The following KLF12 variants were observed in gnomAD, a reference collection of about 807,000 sequenced individuals.
The protein encoded by KLF12 is Krueppel-like factor 12.
A neutral mutation model predicts 37.8 loss-of-function variants in KLF12; 9 were observed. The observed-to-expected ratio is 0.24, with a 90% CI of 0.14 to 0.42. KLF12 has a LOEUF of 0.42. Among genes scored for constraint, KLF12 ranks in the 10% least tolerant of loss-of-function variants. The probability of loss-of-function intolerance (pLI) is 1.00; values close to 1 mark genes in which losing one functional copy is unlikely to be tolerated. For missense variants in KLF12, 411 were observed against 516.0 expected (o/e 0.80, Z 1.97); for synonymous variants, 208 against 202.1 (o/e 1.03, Z -0.25).
At chr13:74,035,859 G>C (rs1416552909) in intron 1 of KLF12, among the ~76,000 whole-genome samples, 3 of 152,016 alleles carry the variant, frequency 2.0e-5, no homozygotes, top group South Asian at 2.1e-4. Flanking sequence ...AATCTCTATA[G>C]GATTTTGCAA....
intron 1 of KLF12, among the ~76,000 whole-genome samples, chr13:74,112,201 C>CGT (rs749181835): frequency 1.0e-5 from 1 of 95,298 alleles, no homozygotes; most frequent in Non-Finnish European, 2.7e-5. Context: ...TGTGTGTGTG[C>CGT]ATCTGTGTGT....
the KLF12 span, among the ~76,000 whole-genome samples, chr13:74,219,784 A>C: frequency 1.3e-5 from 2 of 152,166 alleles, no homozygotes; most frequent in African/African-American, 4.8e-5. Context: ...GCTGGTGTTG[A>C]GGAGTCAGCT....
At chr13:73,755,772 T>G (rs1489608977) in intron 6 of KLF12, among the ~76,000 whole-genome samples, 2 of 151,510 alleles carry the variant, frequency 1.3e-5, no homozygotes, top group African/African-American at 4.9e-5. Context: ...TTCCCCCAAG[T>G]CCCCAAAGTC....
At chr13:73,748,587 A>G (rs1878527284) in intron 6 of KLF12, among the ~76,000 whole-genome samples, 1 of 152,156 alleles carries the variant, frequency 6.6e-6, no homozygotes, top group South Asian at 2.1e-4. Flanking sequence ...TTCCCCGGGA[A>G]CTGAATCACC....
At chr13:73,744,480 C>T (rs191429252) in intron 6 of KLF12, among the ~76,000 whole-genome samples, 2 of 151,742 alleles carry the variant, frequency 1.3e-5, no homozygotes, top group African/African-American at 2.4e-5. Context: ...CCTTTAGGCA[C>T]GCTGGTGGTA....
intron 6 of KLF12, among the ~76,000 whole-genome samples, chr13:73,738,092 C>CATAT (rs778759106): frequency 0.025 from 2,943 of 116,416 alleles, 56 homozygotes; most frequent in East Asian, 0.058. Flanking sequence ...TGTATGTGTA[C>CATAT]ATATATATAT....
chr13:73,874,773 A>G (rs146205991), intron 3 of KLF12, among the ~76,000 whole-genome samples: 29 of 152,310 alleles, frequency 1.9e-4, no homozygotes, highest in African/African-American at 6.5e-4. Context: ...CTTGAAAATA[A>G]TATTTTCTTC....
At chr13:73,909,353 G>A (rs894827162) in intron 3 of KLF12, among the ~76,000 whole-genome samples, 5 of 152,044 alleles carry the variant, frequency 3.3e-5, no homozygotes, top group East Asian at 3.9e-4. Flanking sequence ...TTTTGCCTCC[G>A]TATAACTTCC....
At chr13:74,232,267 G>T in the KLF12 span, among the ~76,000 whole-genome samples, 1 of 152,174 alleles carries the variant, frequency 6.6e-6, no homozygotes, top group African/African-American at 2.4e-5. Flanking sequence ...TCTCTGAAGT[G>T]TATAGAAGAT....
intron 1 of KLF12, among the ~76,000 whole-genome samples, chr13:74,054,411 A>T (rs1236512531): frequency 1.3e-5 from 2 of 152,196 alleles, no homozygotes; most frequent in Non-Finnish European, 2.9e-5. Flanking sequence ...TCCCACGGAG[A>T]GTCAGCTCAC....
intron 1 of KLF12, among the ~76,000 whole-genome samples, chr13:74,032,176 T>C (rs923810937): frequency 6.6e-6 from 1 of 152,196 alleles, no homozygotes; most frequent in African/African-American, 2.4e-5. Flanking sequence ...ACCTACGATA[T>C]GTAGTAGGAG....
chr13:74,099,343 T>C (rs994006499), intron 1 of KLF12, among the ~76,000 whole-genome samples: 7 of 152,224 alleles, frequency 4.6e-5, no homozygotes, highest in African/African-American at 1.7e-4. Context: ...TGAGACCCTG[T>C]CTCTAAAAAG....
the KLF12 span, among the ~76,000 whole-genome samples, chr13:74,191,113 C>T: frequency 2.0e-4 from 31 of 152,294 alleles, no homozygotes; most frequent in African/African-American, 7.2e-4. Context: ...ATCATTTTAG[C>T]AATAAATGTC....
At chr13:73,984,226 C>T (rs891237195) in intron 2 of KLF12, among the ~76,000 whole-genome samples, 5 of 152,148 alleles carry the variant, frequency 3.3e-5, no homozygotes, top group African/African-American at 1.2e-4. Context: ...CTGCAGCATG[C>T]CATCATTTTT....
At chr13:74,250,420 G>A in the KLF12 span, among the ~76,000 whole-genome samples, 2 of 152,188 alleles carry the variant, frequency 1.3e-5, no homozygotes, top group Non-Finnish European at 2.9e-5. Flanking sequence ...CAGGTGAAAG[G>A]AGAAATGTGT....
intron 1 of KLF12, among the ~76,000 whole-genome samples, chr13:74,044,569 G>C (rs1292674246): frequency 1.3e-5 from 2 of 152,108 alleles, no homozygotes; most frequent in South Asian, 2.1e-4. Context: ...ATGGCAAGCT[G>C]GGCATGGTGG....
the KLF12 span, among the ~76,000 whole-genome samples, chr13:74,269,828 G>A: frequency 2.4e-3 from 364 of 152,222 alleles, 2 homozygotes; most frequent in African/African-American, 7.1e-3. Flanking sequence ...ATAATGAGCC[G>A]CTCATGCCAG....
At chr13:74,054,602 G>C (rs1206209124) in intron 1 of KLF12, among the ~76,000 whole-genome samples, 1 of 152,214 alleles carries the variant, frequency 6.6e-6, no homozygotes, top group Non-Finnish European at 1.5e-5. Context: ...GCTTAATGCA[G>C]GAGCACATAA....
chr13:73,989,435 G>A (rs528193138), intron 2 of KLF12, among the ~76,000 whole-genome samples: 9 of 152,342 alleles, frequency 5.9e-5, no homozygotes, highest in Admixed American at 5.9e-4. Flanking sequence ...AGCAGAGAAA[G>A]TGTTGTTGAA....
Sources: allele counts gnomAD v4.1 joint callset (sites outside exome capture counted in the v4.1 genomes callset), GRCh38; gene constraint gnomAD v4.1.1; transcripts MANE v1.5; gene names NCBI Gene and HGNC (gene_info 2026-07-23, HGNC 2026-07-21).